Variants in SETD9 observed in about 807,000 individuals in gnomAD.
SETD9 encodes SET domain containing 9, also known as SET domain-containing protein 9.
In SETD9, 37 loss-of-function variants were observed where a neutral mutation model predicts 36.4. That is an observed-to-expected ratio of 1.02 (90% confidence interval 0.78 to 1.34). The LOEUF is 1.34. Among genes scored for constraint, SETD9 ranks in the 40% most tolerant of loss-of-function variants. SETD9 has a pLI of 0.00. For synonymous variants in SETD9, 128 were observed against 132.9 expected (o/e 0.96, Z 0.26); for missense variants, 323 against 353.2 (o/e 0.91, Z 0.69).
chr5:56,927,505 C>A (rs1287650870), downstream of SETD9, among the ~76,000 whole-genome samples: 1 of 152,102 alleles, frequency 6.6e-6, no homozygotes, highest in African/African-American at 2.4e-5. Context: ...AGGAAATAAA[C>A]AGAGCATATT....
At chr5:56,915,057 A>ATT in intron 5 of SETD9, 91 bp downstream of exon 5, 30 of 833,916 alleles carry the variant, frequency 3.6e-5, no homozygotes, top group South Asian at 9.6e-5. Flanking sequence ...TTGGGGTAAA[A>ATT]TTTTTTTTTT....
intron 1 of SETD9, 160 bp from the exon 2 acceptor site, chr5:56,911,009 G>C: frequency 1.4e-6 from 1 of 724,108 alleles, no homozygotes; most frequent in Non-Finnish European, 2.1e-6. Context: ...TAGCTAACTA[G>C]AACTCCCTCA....
chr5:56,928,574 G>T, downstream of SETD9: 1 of 438,332 alleles, frequency 2.3e-6, no homozygotes, highest in Non-Finnish European at 4.1e-6. Flanking sequence ...GAAAAGATAT[G>T]TGAATATACT....
At chr5:56,910,877 A>T (rs1749082509) in intron 1 of SETD9, 1 of 204,324 alleles carries the variant, frequency 4.9e-6, no homozygotes, top group African/African-American at 2.3e-5. Flanking sequence ...ACCTTGAACA[A>T]GTTCCCTAAC....
At chr5:56,926,733 G>T (rs1266172256), downstream of SETD9, among the ~76,000 whole-genome samples, 1 of 152,062 alleles carries the variant, frequency 6.6e-6, no homozygotes, top group Non-Finnish European at 1.5e-5. Context: ...TTGGACAAAT[G>T]AATTGAAAAC....
rs185499838 is a variant in SETD9, at chr5:56,910,760, G to A, written c.99-409G>A. ...ATTTTTAAAAAGCCATTGAATGTGA[G>A]GTCATTCATTCTCATTGTGATGACA... On this transcript the variant is annotated intron_variant, in intron 1 of 5. Transcript: ENST00000285947. 5 of 185,828 alleles carry A rather than the reference G, an allele frequency of 2.7e-5. No homozygotes were observed. In the Admixed American group the frequency reaches 2.7e-4, roughly 10 times the overall value. 11.5% of individuals were successfully genotyped at this position (185,828 alleles called of 1,614,324 possible).
At chr5:56,913,387 C>T (rs1579812106) in intron 3 of SETD9, among the ~76,000 whole-genome samples, 3 of 141,598 alleles carry the variant, frequency 2.1e-5, no homozygotes, top group Non-Finnish European at 4.6e-5. Flanking sequence ...ATTTTTTTTA[C>T]TTTTTTTTTT....
In SETD9 at chr5:56,913,346, A is replaced by G. The variant is rs540355019; in HGVS notation, c.590+212A>G. Among the ~76,000 whole-genome samples the G allele has an allele frequency of 4.0e-5, 6 of 149,444 alleles. No individual in the cohort carries two copies. The South Asian group carries it at 6.5e-4, about 16-fold the overall frequency. ...TGGGATTACAGGCTTGAGCCACCAC[A>G]CCCAGCTCAGCATTTATGCTTCATT... is the stretch of plus-strand genomic sequence containing the variant. On this transcript the variant is annotated intron_variant, in intron 3 of 5. Transcript: ENST00000285947.
chr5:56,911,297 C>T lies in SETD9; in HGVS notation c.227C>T (p.Ser76Phe). The T allele has an allele frequency of 6.2e-7, 1 of 1,611,766 alleles. No individual in the cohort carries two copies. The highest frequency in any genetic ancestry group is 1.1e-5 in the South Asian group (1 of 90,486). The change falls in exon 2 of 6, where the codon TCT (serine) becomes TTT (phenylalanine). Residue 76 changes from serine (S) to phenylalanine (F), a missense_variant. Transcript: ENST00000285947. ...NDFNKQSEILSMLPESVKSKY... is the reference protein window; with the variant it reads ...NDFNKQSEILFMLPESVKSKY... Reference sequence around the variant, plus strand: ...TTCAATAAACAATCAGAAATCTTGTCTATGCTTCCAGAATCTGTTAAATCA... The same window carrying T: ...TTCAATAAACAATCAGAAATCTTGTTTATGCTTCCAGAATCTGTTAAATCA...
At chr5:56,915,326 C>G (rs550284349) in intron 5 of SETD9, among the ~76,000 whole-genome samples, 1 of 151,960 alleles carries the variant, frequency 6.6e-6, no homozygotes, top group Non-Finnish European at 1.5e-5. Context: ...AGAAAGCATC[C>G]AATTGAAGAA....
intron 4 of SETD9, among the ~76,000 whole-genome samples, 174 bp downstream of exon 4, chr5:56,914,163 A>G (rs138215276): frequency 6.6e-6 from 1 of 152,216 alleles, no homozygotes; most frequent in African/African-American, 2.4e-5. Flanking sequence ...GGAAATCTTG[A>G]TATACATTAT....
At chr5:56,912,089 A>C (rs984582569) in intron 2 of SETD9, 3 of 635,308 alleles carry the variant, frequency 4.7e-6, no homozygotes, top group Middle Eastern at 7.6e-4. Flanking sequence ...CGGGAGGCGG[A>C]GGTTGCAGTG....
rs1749471564 is a variant in SETD9, at chr5:56,917,112, A to G, written c.*210A>G. 1.6e-6 allele frequency: 2 copies of G among 1,239,588 alleles called. No homozygotes were observed. The highest frequency in any genetic ancestry group is 8.2e-5 in the East Asian group (2 of 24,398). 76.8% of individuals were successfully genotyped at this position (1,239,588 alleles called of 1,614,324 possible). On this transcript the variant is annotated 3_prime_UTR_variant, in exon 6 of 6. Coordinates refer to ENST00000285947, the MANE Select transcript of SETD9 (RefSeq NM_153706.4). ...ATTACAATTTCAAATTTGTAATGCA[A>G]TTCCAAGTTTAATTGGTTTTCACCT...
intron 5 of SETD9, chr5:56,923,893 A>G (rs1168227908): frequency 3.1e-6 from 5 of 1,613,920 alleles, no homozygotes; most frequent in Non-Finnish European, 4.2e-6. Context: ...TAAGTCTTTG[A>G]AGGCAAGGCC....
At chr5:56,922,797 T>C (rs950700626) in intron 5 of SETD9, 2 of 269,526 alleles carry the variant, frequency 7.4e-6, no homozygotes, top group African/African-American at 2.2e-5. Context: ...GTTTTAAAAT[T>C]GGGAGTGAGG....
intron 4 of SETD9, among the ~76,000 whole-genome samples, chr5:56,914,565 G>A (rs1233281097): frequency 6.6e-6 from 1 of 152,014 alleles, no homozygotes. Flanking sequence ...TATTATGTAT[G>A]TTGGTAGATA....
chr5:56,911,226 C>A lies in SETD9; in HGVS notation c.156C>A (p.Val52=). 1.3e-6 allele frequency: 2 copies of A among 1,598,434 alleles called. No individual in the cohort carries two copies. The highest frequency in any genetic ancestry group is 1.3e-5 in the African/African-American group (1 of 74,244). Residue 52 remains valine, a synonymous_variant, in exon 2 of 6, where the codon GTC becomes GTA. Transcript: ENST00000285947. ...ACAAAGTTATCTCAGATGAAGATGT[C>A]CTAGGAACATTACTGAAAGTTTTCC... The part of the protein sequence containing the change: ...SKDKVISDED[V]LGTLLKVFQA...
chr5:56,925,094 A>G (rs1056418932), intron 5 of SETD9, among the ~76,000 whole-genome samples: 7 of 152,196 alleles, frequency 4.6e-5, no homozygotes, highest in Non-Finnish European at 7.3e-5. Flanking sequence ...AGTAAATTTC[A>G]TAAGTCATTA....
chr5:56,916,003 G>A (rs1749404942), intron 5 of SETD9, among the ~76,000 whole-genome samples: 2 of 151,662 alleles, frequency 1.3e-5, no homozygotes, highest in East Asian at 2.0e-4. Context: ...GATAACTTTT[G>A]CTTCTCTGCA....
Sources: gnomAD v4.1 joint callset for allele counts (sites outside exome capture counted in the v4.1 genomes callset) on GRCh38, gnomAD v4.1.1 for gene constraint, MANE v1.5 for transcripts, NCBI Gene and HGNC (gene_info 2026-07-23, HGNC 2026-07-21) for gene names.